The following HERC1 variants were observed in gnomAD, a reference collection of about 807,000 sequenced individuals.
HERC1 encodes the protein HECT and RLD domain containing E3 ubiquitin protein ligase family member 1.
A neutral mutation model predicts 554.3 loss-of-function variants in HERC1; 160 were observed. That is an observed-to-expected ratio of 0.29 (90% CI 0.25 to 0.33). The LOEUF is 0.33. Among genes scored for constraint, HERC1 ranks in the 10% least tolerant of loss-of-function variants. HERC1 has a pLI of 1.00. For missense variants in HERC1, 4,919 were observed against 5,918.5 expected, an observed-to-expected ratio of 0.83 and a Z score of 5.54; for synonymous variants, 2,175 against 2,131.7, an observed-to-expected ratio of 1.02 and a Z score of -0.56.
intron 71 of HERC1, among the ~76,000 whole-genome samples, chr15:63,625,274 T>G (rs1036089685): frequency 2.0e-5 from 3 of 152,234 alleles, no homozygotes; most frequent in African/African-American, 7.2e-5. Context: ...GAGAAAAAAG[T>G]ATCTGAAATT....
chr15:63,787,770 C>T (rs1430724357), intron 1 of HERC1, among the ~76,000 whole-genome samples: 1 of 151,726 alleles, frequency 6.6e-6, no homozygotes, highest in Non-Finnish European at 1.5e-5. Context: ...AACTTACTAA[C>T]CTGGACAATA....
At chr15:63,736,318 T>C (rs2074502634) in intron 12 of HERC1, among the ~76,000 whole-genome samples, 1 of 152,196 alleles carries the variant, frequency 6.6e-6, no homozygotes, top group Non-Finnish European at 1.5e-5. Flanking sequence ...AATACCAAAC[T>C]AAAATTGGGT....
chr15:63,719,042 T>C (rs2073691882), intron 19 of HERC1, 145 bp from the exon 20 acceptor site: 2 of 600,288 alleles, frequency 3.3e-6, no homozygotes, highest in South Asian at 2.2e-5. Context: ...AGATCCCACT[T>C]ACTGTTCCAA....
chr15:63,666,667 A>C (rs1174192407), intron 40 of HERC1, among the ~76,000 whole-genome samples, 195 bp from the exon 41 acceptor site: 1 of 152,184 alleles, frequency 6.6e-6, no homozygotes, highest in Admixed American at 6.5e-5. Flanking sequence ...TATACTTTGT[A>C]AAGATTTGTG....
intron 1 of HERC1, among the ~76,000 whole-genome samples, chr15:63,829,248 G>A (rs557469124): frequency 8.6e-5 from 13 of 151,408 alleles, no homozygotes; most frequent in African/African-American, 2.7e-4. Context: ...GCAGGACCTC[G>A]TCTCTACTAA....
chr15:63,700,259 C>A (rs2072644250), intron 25 of HERC1, among the ~76,000 whole-genome samples: 1 of 151,806 alleles, frequency 6.6e-6, no homozygotes, highest in South Asian at 2.1e-4. Flanking sequence ...CTAAGTGTAA[C>A]CATGGTTCAT....
chr15:63,782,955 C>T (rs1217638110), intron 1 of HERC1, among the ~76,000 whole-genome samples: 1 of 152,162 alleles, frequency 6.6e-6, no homozygotes, highest in Non-Finnish European at 1.5e-5. Flanking sequence ...CTGAATGCAG[C>T]AATCTCATGA....
chr15:63,645,046 T>TGTA lies in HERC1; in HGVS notation c.11127_11129dup (p.Thr3710dup), dbSNP rs772116916. 10 of 1,613,868 alleles carry TGTA rather than the reference T, an allele frequency of 6.2e-6. No individual in the cohort carries two copies. Among genetic ancestry groups the TGTA allele is most frequent in the Non-Finnish European group, 8.5e-6 (10 of 1,179,790 alleles). ...CTTCTGCACTAGTCACATTGGTCTG[T>TGTA]GTAGTATCTTGAGGAATGCGCCAAA... On this transcript the variant is annotated inframe_insertion, in exon 57 of 78. Transcript: ENST00000443617.
At chr15:63,631,072 G>A (rs1215213287) in intron 68 of HERC1, among the ~76,000 whole-genome samples, 4 of 152,116 alleles carry the variant, frequency 2.6e-5, no homozygotes, top group Admixed American at 2.6e-4. Flanking sequence ...TCAACCTGTC[G>A]GGTTTAAATG....
intron 24 of HERC1, 51 bp downstream of exon 24, chr15:63,712,724 C>A (rs372637180): frequency 6.4e-7 from 1 of 1,572,342 alleles, no homozygotes; most frequent in African/African-American, 1.4e-5. Flanking sequence ...CCTTACATAT[C>A]ATATACCTTG....
Position 63,612,371 on chromosome 15 carries a change from C to A in HERC1, c.14280G>T (p.Thr4760=), listed in dbSNP as rs200151191. Residue 4760 remains threonine, a synonymous_variant, in exon 77 of 78, where the codon ACG becomes ACT. Coordinates refer to ENST00000443617, the MANE Select transcript of HERC1 (RefSeq NM_003922.4). The surrounding 1 kb of genome is among the most constrained non-coding windows in gnomAD (Gnocchi z 5.0). The part of the protein sequence containing the change: ...QHQLVQWFWH[T]LEEFSNEERV... ...GCTCCTCATTGGAGAACTCTTCCAG[C>A]GTGTGCCAGAACCACTGCACCAGCT... 2.5e-5 allele frequency: 40 copies of A among 1,614,048 alleles called. No individual in the cohort carries two copies. In the South Asian group the frequency reaches 4.4e-4, roughly 18 times the overall value.
chr15:63,787,400 A>C (rs1038534682), intron 1 of HERC1, among the ~76,000 whole-genome samples: 1 of 148,760 alleles, frequency 6.7e-6, no homozygotes, highest in Non-Finnish European at 1.5e-5. Flanking sequence ...CAGGTGATCC[A>C]CCTGCCTCAG....
At chr15:63,731,277 A>G (rs17187564) in intron 14 of HERC1, among the ~76,000 whole-genome samples, 35,959 of 152,100 alleles carry the variant, frequency 0.24, 5,314 homozygotes, top group Middle Eastern at 0.35. Flanking sequence ...ACAATATGAG[A>G]ACACTGTAGG....
At chr15:63,784,469 C>G (rs752746184) in intron 1 of HERC1, among the ~76,000 whole-genome samples, 1 of 152,082 alleles carries the variant, frequency 6.6e-6, no homozygotes, top group Non-Finnish European at 1.5e-5. Context: ...ATGCTGAAAA[C>G]ATTTTTTTAA....
chr15:63,723,461 C>A (rs528765408), intron 18 of HERC1, 106 bp from the exon 19 acceptor site: 17 of 780,250 alleles, frequency 2.2e-5, no homozygotes, highest in Admixed American at 3.1e-5. Context: ...AACTTCAAAC[C>A]ATTTTAAGTA....
At chr15:63,700,938 C>A (rs1567029477) in intron 25 of HERC1, among the ~76,000 whole-genome samples, 1 of 151,572 alleles carries the variant, frequency 6.6e-6, no homozygotes, top group Non-Finnish European at 1.5e-5. Context: ...TTTTTCATTT[C>A]CTTAAAGCAC....
chr15:63,654,548 AT>A (rs2069900754), intron 50 of HERC1, among the ~76,000 whole-genome samples: 1 of 152,164 alleles, frequency 6.6e-6, no homozygotes, highest in Non-Finnish European at 1.5e-5. Flanking sequence ...AAGAAATCTG[AT>A]TCATTAAAAA....
chr15:63,796,524 T>G (rs2076818525), intron 1 of HERC1, among the ~76,000 whole-genome samples: 1 of 152,192 alleles, frequency 6.6e-6, no homozygotes, highest in African/African-American at 2.4e-5. Flanking sequence ...ATAGCTGAGT[T>G]AGGTCTCAAT....
At position 63,623,587 on chromosome 15, in the gene HERC1, C is replaced by T. The variant is rs11630290; in HGVS notation, c.13611+138G>A. The T allele has an allele frequency of 0.21, 168,908 of 799,430 alleles. 19,335 individuals carry two copies. Among genetic ancestry groups the T allele is most frequent in the African/African-American group, 0.26 (15,189 of 58,382 alleles). 49.5% of individuals were successfully genotyped at this position (799,430 alleles called of 1,614,324 possible). ...CTCTAATTTACCTACGTATCACTAA[C>T]AGCATCACTTTATATGAGGCTCACA... On this transcript the variant is annotated intron_variant, in intron 73 of 77. Coordinates refer to ENST00000443617, the MANE Select transcript of HERC1 (RefSeq NM_003922.4).
Sources: gnomAD v4.1 joint callset for allele counts (sites outside exome capture counted in the v4.1 genomes callset) on GRCh38, gnomAD v4.1.1 for gene constraint, Gnocchi (gnomAD v3.1) non-coding constraint, MANE v1.5 for transcripts, NCBI Gene and HGNC (gene_info 2026-07-23, HGNC 2026-07-21) for gene names.